The following NTM variants were observed in gnomAD, a reference collection of about 807,000 sequenced individuals.
The protein encoded by NTM is IgLON family member 2.
NTM carries 13 observed loss-of-function variants against 42.1 expected under a neutral mutation model. That is an observed-to-expected ratio of 0.31 (90% confidence interval 0.20 to 0.49). NTM has a LOEUF of 0.49. Among genes scored for constraint, NTM ranks in the 20% least tolerant of loss-of-function variants. NTM has a pLI of 0.99. For missense variants in NTM, 373 were observed against 452.8 expected, an observed-to-expected ratio of 0.82 and a Z score of 1.60; for synonymous variants, 187 against 179.2, an observed-to-expected ratio of 1.04 and a Z score of -0.35.
At chr11:132,024,139 T>C (rs1793620) in intron 2 of NTM, among the ~76,000 whole-genome samples, 137,275 of 151,878 alleles carry the variant, frequency 0.9, 62,285 homozygotes, top group East Asian at 1. Context: ...ATGTAATAAA[T>C]TTCCCACAGA....
rs73597282 is a variant in NTM at position 132,297,578 on chromosome 11, T to G, written c.527-10111T>G. Among the ~76,000 whole-genome samples the G allele has an allele frequency of 6.7e-3, 1,025 of 152,360 alleles. 10 individuals carry two copies. The highest frequency in any genetic ancestry group is 0.024 in the African/African-American group (984 of 41,580). ...ACTCCCCAGATCGATATATCTATTC[T>G]TCAAAAGGATTATTTATAAGTTATT... is the stretch of plus-strand genomic sequence containing the variant. On this transcript the variant is annotated intron_variant, in intron 4 of 8. Coordinates refer to ENST00000683400, the MANE Select transcript of NTM (RefSeq NM_001352005.2).
At chr11:132,238,165 A>G (rs1200886079) in intron 4 of NTM, among the ~76,000 whole-genome samples, 2 of 152,004 alleles carry the variant, frequency 1.3e-5, no homozygotes, top group Admixed American at 1.3e-4. Flanking sequence ...TTTTTGATAT[A>G]CCCTTAATCG....
chr11:131,888,428 C>T (rs1273582821), intron 1 of NTM, among the ~76,000 whole-genome samples: 2 of 152,186 alleles, frequency 1.3e-5, no homozygotes, highest in Non-Finnish European at 2.9e-5. Flanking sequence ...GACCCATCTG[C>T]CAGCCCGGAT....
At position 131,907,148 on chromosome 11, in the gene NTM, G is replaced by A. The variant is rs571392929; in HGVS notation, c.83-4416G>A. 3.3e-5 allele frequency among the ~76,000 whole-genome samples: 5 copies of A among 152,270 alleles called. No homozygotes were observed. In the South Asian group the frequency reaches 1.0e-3, roughly 32 times the overall value. ...GAGAGGGGAGCCTTTAGCCTTTTTCGACGAGGAGAAGCAGAGCTGGCATTT... is the reference window on the plus strand; with the variant it reads ...GAGAGGGGAGCCTTTAGCCTTTTTCAACGAGGAGAAGCAGAGCTGGCATTT... On this transcript the variant is annotated intron_variant, in intron 1 of 8. Coordinates refer to ENST00000683400, the MANE Select transcript of NTM (RefSeq NM_001352005.2).
At chr11:132,166,875 T>A (rs1036030883) in intron 3 of NTM, among the ~76,000 whole-genome samples, 1 of 152,158 alleles carries the variant, frequency 6.6e-6, no homozygotes, top group African/African-American at 2.4e-5. Context: ...AGCACTTCAC[T>A]AGCAAGAGAT....
rs567723794 is a variant in NTM, at chr11:132,169,320, CTTTTTTTTTTT to C, written c.400+22828_400+22838del. 1.9e-3 allele frequency among the ~76,000 whole-genome samples: 62 copies of C among 32,366 alleles called. 1 individual carries two copies. The South Asian group carries it at 0.023, about 12-fold the overall frequency. 21.2% of individuals were successfully genotyped at this position (32,366 alleles called of 152,430 possible). On this transcript the variant is annotated intron_variant, in intron 3 of 8. Coordinates refer to ENST00000683400, the MANE Select transcript of NTM (RefSeq NM_001352005.2). ...GTGATATCTAGGTTTAATTTTTTTA[CTTTTTTTTTTT>C]TTTTTTTTTTTTTTTTTTTTTGGAG...
chr11:131,499,895 T>A, intron 1 of NTM, among the ~76,000 whole-genome samples: 1 of 152,234 alleles, frequency 6.6e-6, no homozygotes, highest in East Asian at 1.9e-4. Context: ...TATCTTTTAT[T>A]ATTTTAGGAA....
At chr11:131,989,532 T>G (rs181167190) in intron 2 of NTM, among the ~76,000 whole-genome samples, 1 of 152,236 alleles carries the variant, frequency 6.6e-6, no homozygotes, top group Admixed American at 6.5e-5. Context: ...ACTATGGGCT[T>G]TTGGTATGTT....
intron 1 of NTM, among the ~76,000 whole-genome samples, chr11:131,592,445 T>C (rs1270194633): frequency 6.6e-6 from 1 of 151,524 alleles, no homozygotes; most frequent in Non-Finnish European, 1.5e-5. Flanking sequence ...AACAGGGCAG[T>C]GCTTGAATGA....
At chr11:131,879,706 A>T (rs777384156) in intron 1 of NTM, among the ~76,000 whole-genome samples, 4 of 149,360 alleles carry the variant, frequency 2.7e-5, no homozygotes, top group Non-Finnish European at 5.9e-5. Context: ...AATCAGAAAG[A>T]TTGGAATCTA....
intron 1 of NTM, among the ~76,000 whole-genome samples, chr11:131,643,687 G>T (rs1436812228): frequency 3.9e-5 from 6 of 152,100 alleles, no homozygotes; most frequent in African/African-American, 1.2e-4. Flanking sequence ...TAAAAAATAC[G>T]CATTGACTTC....
intron 1 of NTM, among the ~76,000 whole-genome samples, chr11:131,785,033 C>A (rs1015823086): frequency 6.6e-6 from 1 of 151,944 alleles, no homozygotes; most frequent in African/African-American, 2.4e-5. Flanking sequence ...TGTGTGTGTG[C>A]GTGTGTGTGT....
chr11:131,773,216 C>T (rs1220925338), intron 1 of NTM, among the ~76,000 whole-genome samples: 2 of 152,070 alleles, frequency 1.3e-5, no homozygotes, highest in African/African-American at 4.8e-5. Context: ...CCGGAGGGGC[C>T]AAGGCTGTGT....
intron 3 of NTM, among the ~76,000 whole-genome samples, chr11:132,192,327 A>G (rs180739551): frequency 1.2e-3 from 190 of 152,304 alleles, no homozygotes; most frequent in Admixed American, 2.4e-3. Context: ...TCAGCAGAAA[A>G]CAAACAAGCC....
At chr11:131,483,203 C>T (rs1172080693) in intron 1 of NTM, among the ~76,000 whole-genome samples, 3 of 152,164 alleles carry the variant, frequency 2.0e-5, no homozygotes, top group Admixed American at 1.3e-4. Flanking sequence ...AGTGGCTTTG[C>T]CTCCTCCTTC....
chr11:131,576,860 T>TA (rs1235074120), intron 1 of NTM, among the ~76,000 whole-genome samples: 1 of 152,208 alleles, frequency 6.6e-6, no homozygotes, highest in Non-Finnish European at 1.5e-5. Flanking sequence ...ACTTCTTAAT[T>TA]TTTTTCCACA....
At position 131,695,225 on chromosome 11, in the gene NTM, G is replaced by A. The variant is rs535738570; in HGVS notation, c.83-216339G>A. On this transcript the variant is annotated intron_variant, in intron 1 of 8. Coordinates refer to ENST00000683400, the MANE Select transcript of NTM (RefSeq NM_001352005.2). ...CACTGGGTTTGTATAAGAATTCAGA[G>A]TGTGGCCTTAGTGTCTTGGCCAGGC... Among the ~76,000 whole-genome samples, 26 of 127,220 alleles carry A rather than the reference G, an allele frequency of 2.0e-4. 1 individual carries two copies. The East Asian group carries it at 3.7e-3, about 18-fold the overall frequency. 83.5% of individuals were successfully genotyped at this position (127,220 alleles called of 152,430 possible).
In NTM at chr11:132,000,929, T is replaced by C. The variant is rs77944908; in HGVS notation, c.167+89281T>C. The stretch of plus-strand genomic sequence containing the variant: ...CTGGATTTTTCTCAGGAGGAAAGAA[T>C]AAGGAAAGGGCATTCCAGGTAGATA... On this transcript the variant is annotated intron_variant, in intron 2 of 8. Transcript: ENST00000683400. 2.3e-4 allele frequency among the ~76,000 whole-genome samples: 35 copies of C among 152,286 alleles called. 1 individual carries two copies. In the East Asian group the frequency reaches 6.0e-3, roughly 26 times the overall value.
intron 2 of NTM, among the ~76,000 whole-genome samples, chr11:132,084,416 A>T (rs914407182): frequency 6.6e-6 from 1 of 152,210 alleles, no homozygotes; most frequent in Admixed American, 6.5e-5. Flanking sequence ...TAACCTGAAG[A>T]AGATTAAACA....
Sources: allele counts gnomAD v4.1 joint callset (sites outside exome capture counted in the v4.1 genomes callset), GRCh38; gene constraint gnomAD v4.1.1; transcripts MANE v1.5; gene names NCBI Gene and HGNC (gene_info 2026-07-23, HGNC 2026-07-21).